Variants in ZNF407 observed in about 807,000 individuals in gnomAD.
ZNF407 encodes the protein zinc finger protein 407.
A neutral mutation model predicts 131.2 loss-of-function variants in ZNF407; 17 were observed. The observed-to-expected ratio is 0.13, with a 90% CI of 0.09 to 0.19. ZNF407 has a LOEUF of 0.19. Ranked by LOEUF, ZNF407 falls within the 10% of genes least tolerant of loss-of-function variation. ZNF407 has a pLI of 1.00. For synonymous variants in ZNF407, 1,156 were observed against 1,062.0 expected, an observed-to-expected ratio of 1.09 and a Z score of -1.72; for missense variants, 2,681 against 2,830.6, an observed-to-expected ratio of 0.95 and a Z score of 1.20.
At chr18:74,603,139 A>G (rs554643112) in intron 1 of ZNF407, among the ~76,000 whole-genome samples, 1 of 152,336 alleles carries the variant, frequency 6.6e-6, no homozygotes, top group South Asian at 2.1e-4. Context: ...TAATAGGTTC[A>G]TGCATTTGGT....
intron 8 of ZNF407, among the ~76,000 whole-genome samples, chr18:75,012,989 G>C (rs555059344): frequency 6.7e-6 from 1 of 148,838 alleles, no homozygotes; most frequent in South Asian, 2.1e-4. Context: ...GGCACATAAC[G>C]TGTGTCACTA....
At chr18:74,983,049 A>G (rs1291495074) in intron 8 of ZNF407, among the ~76,000 whole-genome samples, 1 of 152,230 alleles carries the variant, frequency 6.6e-6, no homozygotes, top group Non-Finnish European at 1.5e-5. Flanking sequence ...GATGTTTTTC[A>G]AAAACCAAGC....
intron 3 of ZNF407, among the ~76,000 whole-genome samples, chr18:74,646,494 T>A (rs1196655527): frequency 1.3e-5 from 2 of 152,214 alleles, no homozygotes; most frequent in African/African-American, 2.4e-5. Context: ...TATTTTAATA[T>A]TTTTTGTTGA....
At chr18:75,038,073 C>T (rs62089936) in intron 8 of ZNF407, among the ~76,000 whole-genome samples, 5,708 of 152,276 alleles carry the variant, frequency 0.037, 161 homozygotes, top group Non-Finnish European at 0.054. Context: ...AACAGAAAAT[C>T]CATATTACTC....
intron 4 of ZNF407, among the ~76,000 whole-genome samples, chr18:74,786,613 G>A (rs909563289): frequency 6.6e-6 from 1 of 151,834 alleles, no homozygotes. Context: ...TCCATTCTGG[G>A]TTGCTTATTT....
intron 3 of ZNF407, among the ~76,000 whole-genome samples, chr18:74,732,093 G>T (rs1290553493): frequency 6.6e-6 from 1 of 152,230 alleles, no homozygotes; most frequent in East Asian, 1.9e-4. Context: ...TGTTTCACTT[G>T]GGACTTATAT....
chr18:74,635,505 G>A lies in ZNF407; in HGVS notation c.4486G>A (p.Asp1496Asn). 6.2e-7 allele frequency: 1 copy of A among 1,612,352 alleles called. No homozygotes were observed. The highest frequency in any genetic ancestry group is 8.5e-7 in the Non-Finnish European group (1 of 1,179,048). ...ATGTGTCAAGTGCACAGAGCCCTTT[G>A]ATTCTGAACAGAATTTATTTTTACA... is the stretch of plus-strand genomic sequence containing the variant. ...FKCVKCTEPF[D>N]SEQNLFLHIK... is the part of the protein sequence containing the mutation. Residue 1496 changes from aspartate to asparagine, a missense_variant, in exon 2 of 9, where the codon GAT (aspartate) becomes AAT (asparagine). Asp to Asn is a conservative substitution (Grantham distance 23, BLOSUM62 1). This residue lies in a region of ZNF407 where 213 missense variants were observed against 332.2 expected (regional missense o/e 0.64). Coordinates refer to ENST00000299687, the MANE Select transcript of ZNF407 (RefSeq NM_017757.3). The surrounding 1 kb of genome is among the most constrained non-coding windows in gnomAD (Gnocchi z 4.7).
At chr18:74,873,893 G>C (rs1971120778) in intron 4 of ZNF407, among the ~76,000 whole-genome samples, 1 of 152,144 alleles carries the variant, frequency 6.6e-6, no homozygotes, top group Admixed American at 6.5e-5. Flanking sequence ...GTATTATGTA[G>C]AACATTCAGA....
At chr18:74,766,460 T>C (rs1473333492) in intron 3 of ZNF407, among the ~76,000 whole-genome samples, 1 of 152,204 alleles carries the variant, frequency 6.6e-6, no homozygotes, top group Non-Finnish European at 1.5e-5. Context: ...AGATGATCTA[T>C]GTGGCAATGC....
chr18:74,728,590 A>T (rs1332244908), intron 3 of ZNF407, among the ~76,000 whole-genome samples: 2 of 152,236 alleles, frequency 1.3e-5, no homozygotes, highest in South Asian at 2.1e-4. Context: ...CAACAGATTG[A>T]GGTGTTGGTG....
chr18:74,690,280 A>G (rs1055077343), intron 3 of ZNF407, among the ~76,000 whole-genome samples: 10 of 152,268 alleles, frequency 6.6e-5, no homozygotes, highest in Non-Finnish European at 1.3e-4. Context: ...ACAAGGAAAC[A>G]TGCATAAAAT....
chr18:74,695,578 T>C (rs924404090), intron 3 of ZNF407, among the ~76,000 whole-genome samples: 2 of 152,114 alleles, frequency 1.3e-5, no homozygotes, highest in Non-Finnish European at 2.9e-5. Flanking sequence ...TTCTTCTGTA[T>C]ATGATATCCC....
At chr18:74,879,803 T>C (rs1971213905) in intron 5 of ZNF407, among the ~76,000 whole-genome samples, 1 of 152,240 alleles carries the variant, frequency 6.6e-6, no homozygotes, top group African/African-American at 2.4e-5. Flanking sequence ...TTTAAGTATA[T>C]GTGTTCGTTG....
chr18:74,979,040 G>C (rs192933868), intron 8 of ZNF407, among the ~76,000 whole-genome samples: 1 of 152,094 alleles, frequency 6.6e-6, no homozygotes, highest in African/African-American at 2.4e-5. Flanking sequence ...GAGAAGGGAC[G>C]ACTTCGCGGG....
intron 1 of ZNF407, among the ~76,000 whole-genome samples, chr18:74,625,262 T>G (rs1202393068): frequency 6.6e-6 from 1 of 152,222 alleles, no homozygotes; most frequent in Non-Finnish European, 1.5e-5. Flanking sequence ...TTATTTTGCT[T>G]CTTAGTTGTC....
At chr18:74,929,981 C>T (rs979573338) in intron 8 of ZNF407, among the ~76,000 whole-genome samples, 19 of 152,206 alleles carry the variant, frequency 1.2e-4, no homozygotes, top group African/African-American at 4.6e-4. Context: ...TAACATCAAA[C>T]ATAACCATAC....
intron 3 of ZNF407, among the ~76,000 whole-genome samples, chr18:74,745,081 C>A (rs190772708): frequency 1.8e-3 from 280 of 152,136 alleles, no homozygotes; most frequent in Admixed American, 3.1e-3. Flanking sequence ...TTCAGACTCA[C>A]CTGAAAGTCA....
At chr18:74,699,084 AG>A (rs1274957014) in intron 3 of ZNF407, among the ~76,000 whole-genome samples, 1 of 152,056 alleles carries the variant, frequency 6.6e-6, no homozygotes, top group East Asian at 1.9e-4. Flanking sequence ...CTCCTTTCCC[AG>A]GTTTTTTCTG....
chr18:74,672,225 G>T (rs913420074), intron 3 of ZNF407, among the ~76,000 whole-genome samples: 1 of 152,118 alleles, frequency 6.6e-6, no homozygotes, highest in Admixed American at 6.6e-5. Flanking sequence ...GTTATTTTTT[G>T]ACTGTTTAAT....
Sources: allele counts gnomAD v4.1 joint callset (sites outside exome capture counted in the v4.1 genomes callset), GRCh38; gene constraint gnomAD v4.1.1; regional missense constraint gnomAD v4.1.1; non-coding constraint Gnocchi (gnomAD v3.1); transcripts MANE v1.5; gene names NCBI Gene and HGNC (gene_info 2026-07-23, HGNC 2026-07-21).